Variants in GPC3 observed in about 807,000 individuals in gnomAD.
GPC3 encodes glypican-3.
A neutral mutation model predicts 34.4 loss-of-function variants in GPC3; 3 were observed. The observed-to-expected ratio is 0.09, with a 90% confidence interval of 0.04 to 0.23. GPC3 has a LOEUF of 0.23. GPC3 is among the 10% of genes least tolerant of loss of function. GPC3 has a pLI of 1.00. For synonymous variants in GPC3, 177 were observed against 174.0 expected, an observed-to-expected ratio of 1.02 and a Z score of -0.13; for missense variants, 351 against 445.6, an observed-to-expected ratio of 0.79 and a Z score of 1.91.
intron 1 of GPC3, among the ~76,000 whole-genome samples, chrX:133,961,392 T>C (rs941103106): frequency 2.0e-4 from 22 of 111,500 alleles, no homozygotes; most frequent in Non-Finnish European, 4.0e-4. Context: ...AAGAATTACC[T>C]TTATCTCTAC....
intron 6 of GPC3, among the ~76,000 whole-genome samples, chrX:133,607,826 G>A (rs2070067307): frequency 8.9e-6 from 1 of 112,507 alleles, no homozygotes; most frequent in Admixed American, 9.4e-5. Context: ...AAGTCAAAGA[G>A]GAAGGCAGTC....
intron 4 of GPC3, among the ~76,000 whole-genome samples, chrX:133,696,573 T>C (rs1048638456): frequency 2.7e-5 from 3 of 112,539 alleles, no homozygotes; most frequent in African/African-American, 9.7e-5. Flanking sequence ...ACATGTTAAT[T>C]ACCCATGTAT....
intron 2 of GPC3, among the ~76,000 whole-genome samples, chrX:133,891,249 C>T (rs2076085663): frequency 9.1e-6 from 1 of 110,296 alleles, no homozygotes; most frequent in South Asian, 3.9e-4. Context: ...ATAGAGACCG[C>T]AAGTTGATAA....
chrX:133,610,160 C>G (rs1234980927), intron 6 of GPC3, among the ~76,000 whole-genome samples: 2 of 111,811 alleles, frequency 1.8e-5, no homozygotes. Context: ...TTGAACTCTT[C>G]CTATTTTGGC....
chrX:133,715,626 T>G (rs781247701), intron 3 of GPC3, among the ~76,000 whole-genome samples: 135 of 74,005 alleles, frequency 1.8e-3, no homozygotes, highest in African/African-American at 0.011. Flanking sequence ...GCAAAAGCCT[T>G]TTCCCTGGAG....
chrX:133,683,394 T>A lies in GPC3; in HGVS notation c.1292+8975A>T, dbSNP rs184611222. On this transcript the variant is annotated intron_variant, in intron 5 of 7. Coordinates refer to ENST00000370818, the MANE Select transcript of GPC3 (RefSeq NM_004484.4). ...TTTCTGATTCATGGAGCAGTGATAG[T>A]AAAAGGAGACAGGCCTTATCCAACC... Among the ~76,000 whole-genome samples, 238 of 112,208 alleles carry A rather than the reference T, an allele frequency of 2.1e-3. 1 individual carries two copies. The East Asian group carries it at 0.05, about 24-fold the overall frequency.
intron 1 of GPC3, among the ~76,000 whole-genome samples, chrX:133,956,346 C>G (rs1192808529): frequency 5.3e-5 from 6 of 112,332 alleles, no homozygotes; most frequent in African/African-American, 1.9e-4. Context: ...TTCTAGCTCA[C>G]TGTGTTCTTA....
At chrX:133,845,236 A>C (rs943419389) in intron 2 of GPC3, among the ~76,000 whole-genome samples, 1 of 111,954 alleles carries the variant, frequency 8.9e-6, no homozygotes. Context: ...GGAATCAGAC[A>C]AAAGTGTAAA....
At chrX:133,967,967 T>C (rs933077503) in intron 1 of GPC3, among the ~76,000 whole-genome samples, 10 of 112,331 alleles carry the variant, frequency 8.9e-5, no homozygotes, top group Admixed American at 3.7e-4. Flanking sequence ...AGGGAAATGG[T>C]GACACTATGA....
intron 6 of GPC3, among the ~76,000 whole-genome samples, chrX:133,657,737 C>A (rs2070677400): frequency 9.0e-6 from 1 of 111,035 alleles, no homozygotes; most frequent in African/African-American, 3.3e-5. Flanking sequence ...TTACTTTATT[C>A]CCTTAGTGGG....
chrX:133,859,183 G>T (rs1342023147), intron 2 of GPC3, among the ~76,000 whole-genome samples: 2 of 111,113 alleles, frequency 1.8e-5, no homozygotes, highest in East Asian at 2.8e-4. Context: ...ACACAGTAGT[G>T]AATTAAGGCT....
chrX:133,620,037 G>A (rs192706379), intron 6 of GPC3, among the ~76,000 whole-genome samples: 166 of 108,623 alleles, frequency 1.5e-3, no homozygotes, highest in African/African-American at 4.9e-3. Context: ...TGGCTAACAC[G>A]GTGAAACCCC....
At chrX:133,922,224 G>A (rs1422555263) in intron 2 of GPC3, among the ~76,000 whole-genome samples, 4 of 112,263 alleles carry the variant, frequency 3.6e-5, no homozygotes, top group Non-Finnish European at 5.6e-5. Context: ...GAAGGCTAGA[G>A]GGAAAGGAGG....
intron 2 of GPC3, among the ~76,000 whole-genome samples, chrX:133,862,116 GTCTAC>G (rs1052292113): frequency 3.7e-5 from 4 of 108,203 alleles, no homozygotes; most frequent in Non-Finnish European, 5.7e-5. Context: ...GAATGTTACT[GTCTAC>G]TCTACTCTTG....
intron 2 of GPC3, among the ~76,000 whole-genome samples, chrX:133,815,668 G>A (rs2075688141): frequency 1.8e-5 from 2 of 111,974 alleles, no homozygotes; most frequent in African/African-American, 6.5e-5. Context: ...ATAAGAGCAT[G>A]GTACTTATTT....
At chrX:133,707,072 A>C (rs2071225555) in intron 3 of GPC3, among the ~76,000 whole-genome samples, 1 of 112,211 alleles carries the variant, frequency 8.9e-6, no homozygotes, top group Admixed American at 9.5e-5. Flanking sequence ...ATGCAGCTGG[A>C]GGCTATTTTC....
At chrX:133,888,385 C>T (rs372753273) in intron 2 of GPC3, among the ~76,000 whole-genome samples, 12 of 111,806 alleles carry the variant, frequency 1.1e-4, no homozygotes, top group Non-Finnish European at 1.5e-4. Flanking sequence ...AATAAACATA[C>T]GTGTACATGT....
chrX:133,804,993 A>G (rs2075628924), intron 2 of GPC3, among the ~76,000 whole-genome samples: 1 of 111,948 alleles, frequency 8.9e-6, no homozygotes, highest in African/African-American at 3.2e-5. Flanking sequence ...GGTCCTGATT[A>G]AAGTATCACT....
chrX:133,545,179 G>C (rs534154465), intron 7 of GPC3, among the ~76,000 whole-genome samples: 1 of 111,889 alleles, frequency 8.9e-6, no homozygotes, highest in South Asian at 3.8e-4. Context: ...CAGGGAAGAA[G>C]ATCAAGATAA....
Sources: gnomAD v4.1 joint callset for allele counts (sites outside exome capture counted in the v4.1 genomes callset) on GRCh38, gnomAD v4.1.1 for gene constraint, MANE v1.5 for transcripts, NCBI Gene and HGNC (gene_info 2026-07-23, HGNC 2026-07-21) for gene names.